MELK: variants seen among roughly 807,000 people sequenced by gnomAD.
MELK encodes pEg3 kinase.
A neutral mutation model predicts 85.0 loss-of-function variants in MELK; 81 were observed. The observed-to-expected ratio is 0.95, with a 90% CI of 0.80 to 1.15. The LOEUF is 1.15. Ranked by LOEUF, MELK falls within the 50% of genes most tolerant of loss-of-function variation. The pLI, the probability that MELK is intolerant of heterozygous loss-of-function variation, is 0.00. For missense variants in MELK, 754 were observed against 777.5 expected (o/e 0.97, Z 0.36); for synonymous variants, 252 against 265.0 (o/e 0.95, Z 0.48).
chr9:36,639,718 T>G (rs527869001), intron 10 of MELK, among the ~76,000 whole-genome samples: 18 of 152,320 alleles, frequency 1.2e-4, no homozygotes, highest in Admixed American at 8.5e-4. Flanking sequence ...CCACACTCAT[T>G]TCATTGTTTC....
chr9:36,671,610 G>T (rs2138127677), intron 16 of MELK, among the ~76,000 whole-genome samples: 1 of 152,332 alleles, frequency 6.6e-6, no homozygotes, highest in South Asian at 2.1e-4. Context: ...GTGACAAGCG[G>T]GGAAGGTAGG....
chr9:36,677,492 G>T lies in MELK; in HGVS notation c.*155G>T, dbSNP rs138890476. On this transcript the variant is annotated 3_prime_UTR_variant, in exon 18 of 18. Transcript: ENST00000298048. ...AATATCTCTTTGTTTTTAAACAAAA[G>T]ATATTATTTTGTGTATGAATCTAAA... 38 of 601,486 alleles carry T rather than the reference G, an allele frequency of 6.3e-5. No individual in the cohort carries two copies. In the South Asian group the frequency reaches 6.7e-4, roughly 11 times the overall value. 37.3% of individuals were successfully genotyped at this position (601,486 alleles called of 1,614,324 possible).
chr9:36,592,585 TAC>T (rs1409029480), intron 4 of MELK, among the ~76,000 whole-genome samples: 1 of 152,174 alleles, frequency 6.6e-6, no homozygotes, highest in Non-Finnish European at 1.5e-5. Context: ...GTGTGTAGCT[TAC>T]ACACACATGG....
intron 3 of MELK, among the ~76,000 whole-genome samples, chr9:36,589,314 A>G (rs1482621638): frequency 6.6e-6 from 1 of 151,976 alleles, no homozygotes; most frequent in East Asian, 1.9e-4. Flanking sequence ...ACGCCCGGCT[A>G]ATTTTTTTGT....
chr9:36,604,071 G>A (rs919540378), intron 7 of MELK, among the ~76,000 whole-genome samples: 1 of 151,586 alleles, frequency 6.6e-6, no homozygotes, highest in Admixed American at 6.6e-5. Flanking sequence ...CCGAGTTCAA[G>A]CGATTCTCCT....
chr9:36,583,552 T>C, intron 2 of MELK, 75 bp from the exon 3 acceptor site: 1 of 946,846 alleles, frequency 1.1e-6, no homozygotes, highest in South Asian at 2.5e-5. Flanking sequence ...TAGAGTCTTT[T>C]AAAATTATTA....
chr9:36,661,010 G>A lies in MELK; in HGVS notation c.1176+3647G>A, dbSNP rs542381392. Among the ~76,000 whole-genome samples, 11 of 151,990 alleles carry A rather than the reference G, an allele frequency of 7.2e-5. No homozygotes were observed. The South Asian group carries it at 2.3e-3, about 32-fold the overall frequency. On this transcript the variant is annotated intron_variant, in intron 13 of 17. Transcript: ENST00000298048. ...CCGTCTCAAATAAAAAACAAACAAA[G>A]AATAAAAAAAGACAGCTTTCATAGT...
intron 14 of MELK, among the ~76,000 whole-genome samples, chr9:36,667,853 C>T (rs1019897011): frequency 5.9e-5 from 9 of 151,932 alleles, no homozygotes; most frequent in South Asian, 4.2e-4. Flanking sequence ...CTGCAACCTT[C>T]GCCTCCCAGG....
In MELK at chr9:36,665,438, A is replaced by G; in HGVS notation, c.1265A>G (p.Asn422Ser). 1 of 1,613,588 alleles carries G rather than the reference A, an allele frequency of 6.2e-7. No homozygotes were observed. Among genetic ancestry groups the G allele is most frequent in the Non-Finnish European group, 8.5e-7 (1 of 1,179,584 alleles). ...AGAACACCTGCAAATAAATTAAAGA[A>G]CAAAGAAAATGTATATACTCCTAAG... Reference protein sequence around the residue: ...LCRTPANKLKNKENVYTPKSA... With the variant: ...LCRTPANKLKSKENVYTPKSA... The change falls in exon 14 of 18, where the codon AAC (asparagine) becomes AGC (serine). Residue 422 changes from asparagine (N) to serine (S), a missense_variant. Coordinates refer to ENST00000298048, the MANE Select transcript of MELK (RefSeq NM_014791.4).
At chr9:36,628,305 C>T (rs1828137161) in intron 8 of MELK, among the ~76,000 whole-genome samples, 1 of 152,200 alleles carries the variant, frequency 6.6e-6, no homozygotes, top group Non-Finnish European at 1.5e-5. Flanking sequence ...ATGCCTATCC[C>T]TGGGAAGGAG....
chr9:36,575,628 T>G (rs1018239996), intron 1 of MELK, among the ~76,000 whole-genome samples: 1 of 152,168 alleles, frequency 6.6e-6, no homozygotes, highest in African/African-American at 2.4e-5. Flanking sequence ...AGTGCATGGC[T>G]TCAGTCTTAC....
At chr9:36,631,344 G>T (rs541297764) in intron 9 of MELK, among the ~76,000 whole-genome samples, 2 of 151,614 alleles carry the variant, frequency 1.3e-5, no homozygotes, top group African/African-American at 4.8e-5. Context: ...CACAACCTCC[G>T]CTTCCTGGGT....
intron 4 of MELK, among the ~76,000 whole-genome samples, chr9:36,592,179 T>C (rs972531122): frequency 8.9e-5 from 13 of 146,826 alleles, no homozygotes; most frequent in Admixed American, 2.0e-4. Context: ...TTTCTTTTTT[T>C]TTTTTTTTTT....
chr9:36,612,757 G>A (rs1826175235), intron 8 of MELK, among the ~76,000 whole-genome samples: 1 of 152,136 alleles, frequency 6.6e-6, no homozygotes, highest in Non-Finnish European at 1.5e-5. Context: ...TGTATGTTTG[G>A]TTTTGGTTTC....
At chr9:36,643,933 C>CAAAAAA (rs796275817) in intron 11 of MELK, among the ~76,000 whole-genome samples, 1 of 92,324 alleles carries the variant, frequency 1.1e-5, no homozygotes, top group Non-Finnish European at 2.2e-5. Context: ...GACTCCATCT[C>CAAAAAA]AAAAAAAAAA....
At chr9:36,668,489 G>T (rs907871820) in intron 14 of MELK, among the ~76,000 whole-genome samples, 5 of 151,898 alleles carry the variant, frequency 3.3e-5, no homozygotes, top group African/African-American at 1.2e-4. Flanking sequence ...CTGGAACAGG[G>T]AATATAAAAA....
At chr9:36,671,227 T>C in intron 16 of MELK, 61 bp downstream of exon 16, 2 of 1,429,210 alleles carry the variant, frequency 1.4e-6, no homozygotes, top group Non-Finnish European at 9.3e-7. Context: ...ACTGCCTTTT[T>C]TTTTTAAGGT....
At chr9:36,621,384 C>G (rs1350500155) in intron 8 of MELK, among the ~76,000 whole-genome samples, 1 of 143,060 alleles carries the variant, frequency 7.0e-6, no homozygotes, top group Non-Finnish European at 1.5e-5. Context: ...TCTGTTTCAG[C>G]TATGCTTAAC....
chr9:36,623,203 T>C (rs1827605162), intron 8 of MELK, among the ~76,000 whole-genome samples: 2 of 152,196 alleles, frequency 1.3e-5, no homozygotes, highest in South Asian at 4.1e-4. Context: ...AGATGTCCCC[T>C]TGTAGGACAA....
Sources: allele counts gnomAD v4.1 joint callset (sites outside exome capture counted in the v4.1 genomes callset), GRCh38; gene constraint gnomAD v4.1.1; transcripts MANE v1.5; gene names NCBI Gene and HGNC (gene_info 2026-07-23, HGNC 2026-07-21).